Variants in VPS53 observed in about 807,000 individuals in gnomAD.
The protein encoded by VPS53 is VPS53 subunit of GARP complex.
VPS53 carries 70 observed loss-of-function variants against 107.0 expected under a neutral mutation model. The observed-to-expected ratio is 0.65, with a 90% CI of 0.54 to 0.80. The LOEUF is 0.80. Ranked by LOEUF, VPS53 falls within the 30% of genes least tolerant of loss-of-function variation. VPS53 has a pLI of 0.00. For missense variants in VPS53, 917 were observed against 1,049.4 expected (o/e 0.87, Z 1.74); for synonymous variants, 409 against 393.3 (o/e 1.04, Z -0.47).
chr17:638,409 A>G (rs187535611), intron 7 of VPS53, among the ~76,000 whole-genome samples: 1 of 152,344 alleles, frequency 6.6e-6, no homozygotes, highest in African/African-American at 2.4e-5. Context: ...CATTTAGCCC[A>G]TATACATTTA....
At position 692,621 on chromosome 17, in the gene VPS53, T is replaced by C. The variant is rs763014374; in HGVS notation, c.285+4797A>G. ...CCAAATAATTTTTGAGTCAAAAACATTGCTTTTCAAAAGCAACTTTTCTGC... is the reference window on the plus strand; with the variant it reads ...CCAAATAATTTTTGAGTCAAAAACACTGCTTTTCAAAAGCAACTTTTCTGC... On this transcript the variant is annotated intron_variant, in intron 4 of 21. Coordinates refer to ENST00000437048, the MANE Select transcript of VPS53 (RefSeq NM_001128159.3). Among the ~76,000 whole-genome samples, 7 of 152,346 alleles carry C rather than the reference T, an allele frequency of 4.6e-5. No individual in the cohort carries two copies. The South Asian group carries it at 6.2e-4, about 14-fold the overall frequency.
intron 11 of VPS53, among the ~76,000 whole-genome samples, chr17:606,658 G>A (rs1265430666): frequency 6.6e-6 from 1 of 152,158 alleles, no homozygotes; most frequent in African/African-American, 2.4e-5. Context: ...TGGCCTGTTA[G>A]CAACCAGGCT....
intron 7 of VPS53, among the ~76,000 whole-genome samples, chr17:644,133 T>C (rs1970584913): frequency 6.6e-6 from 1 of 152,230 alleles, no homozygotes; most frequent in African/African-American, 2.4e-5. Context: ...ATTTGAAATG[T>C]AAAGATGCTA....
intron 13 of VPS53, among the ~76,000 whole-genome samples, chr17:571,677 C>G (rs1354037515): frequency 6.6e-6 from 1 of 152,220 alleles, no homozygotes; most frequent in Non-Finnish European, 1.5e-5. Flanking sequence ...CGAGTGCCTG[C>G]GATTGCAGGC....
At chr17:669,190 A>G (rs559754661) in intron 4 of VPS53, among the ~76,000 whole-genome samples, 2 of 152,206 alleles carry the variant, frequency 1.3e-5, no homozygotes, top group Non-Finnish European at 2.9e-5. Context: ...GGGTCCTACA[A>G]GAAGTTAAGG....
At chr17:551,345 C>T (rs1318871060) in intron 17 of VPS53, among the ~76,000 whole-genome samples, 4 of 152,110 alleles carry the variant, frequency 2.6e-5, no homozygotes, top group Non-Finnish European at 5.9e-5. Flanking sequence ...GGTGGGAAGA[C>T]TGCTTGACGC....
At chr17:711,986 T>C (rs1007879885) in intron 1 of VPS53, among the ~76,000 whole-genome samples, 7 of 151,978 alleles carry the variant, frequency 4.6e-5, no homozygotes, top group Non-Finnish European at 1.0e-4. Context: ...CCGGCTTATT[T>C]TTTGTGTTTT....
intron 18 of VPS53, 154 bp downstream of exon 18, chr17:536,874 C>A (rs919133242): frequency 1.1e-6 from 1 of 900,144 alleles, no homozygotes; most frequent in East Asian, 2.7e-5. Context: ...GGGGAGGTGT[C>A]GGTAATGGGA....
At chr17:664,876 C>G (rs552455173) in intron 4 of VPS53, among the ~76,000 whole-genome samples, 1 of 152,074 alleles carries the variant, frequency 6.6e-6, no homozygotes, top group Non-Finnish European at 1.5e-5. Flanking sequence ...GGATGACGCC[C>G]GGGTTTTGGT....
intron 7 of VPS53, among the ~76,000 whole-genome samples, chr17:640,819 C>G (rs1046284860): frequency 6.6e-6 from 1 of 151,972 alleles, no homozygotes; most frequent in South Asian, 2.1e-4. Context: ...CAGAAGGATA[C>G]GCATATAAAT....
At chr17:683,404 G>C (rs1039965454) in intron 4 of VPS53, among the ~76,000 whole-genome samples, 2 of 152,052 alleles carry the variant, frequency 1.3e-5, no homozygotes, top group Non-Finnish European at 2.9e-5. Context: ...TGCCAACCTA[G>C]AGTCCTAAAC....
chr17:564,474 A>G (rs1331071810), intron 13 of VPS53, among the ~76,000 whole-genome samples: 1 of 148,484 alleles, frequency 6.7e-6, no homozygotes, highest in Non-Finnish European at 1.5e-5. Flanking sequence ...CGGGAGGCGG[A>G]GCTTGCAGTG....
chr17:704,774 A>T (rs1973337679), intron 2 of VPS53, among the ~76,000 whole-genome samples: 1 of 152,210 alleles, frequency 6.6e-6, no homozygotes, highest in Non-Finnish European at 1.5e-5. Context: ...TTAAAAAAAA[A>T]TACAGCACAT....
intron 7 of VPS53, 141 bp downstream of exon 7, chr17:653,150 C>T: frequency 6.4e-7 from 1 of 1,553,276 alleles, no homozygotes. Flanking sequence ...CATATACTTT[C>T]CCTCCGGTGA....
rs1347595184 is a variant in VPS53, at chr17:695,432, AC to A, written c.285+1985del. Among the ~76,000 whole-genome samples, 3 of 152,236 alleles carry A rather than the reference AC, an allele frequency of 2.0e-5. No individual in the cohort carries two copies. In the East Asian group the frequency reaches 5.8e-4, roughly 29 times the overall value. ...TTCAAGCACAAAAGAGTCTGTAAGCACAGGTCCAGAAAGCACAGGCATGCTC... is the reference window on the plus strand; with the variant it reads ...TTCAAGCACAAAAGAGTCTGTAAGCAAGGTCCAGAAAGCACAGGCATGCTC... On this transcript the variant is annotated intron_variant, in intron 4 of 21. Coordinates refer to ENST00000437048, the MANE Select transcript of VPS53 (RefSeq NM_001128159.3).
Position 519,764 on chromosome 17 carries a change from G to T in VPS53, c.2328+62C>A. The T allele has an allele frequency of 4.8e-6, 6 of 1,259,732 alleles. No homozygotes were observed. The highest frequency in any genetic ancestry group is 6.8e-6 in the Non-Finnish European group (6 of 884,646). 78.0% of individuals were successfully genotyped at this position (1,259,732 alleles called of 1,614,324 possible). A position where few individuals can be genotyped will look rare whatever the true frequency, so the allele number is the denominator to read the frequency against. ...CCCCGGAACTTATATCCCAATTCCC[G>T]GTTAAGAACCGCTGAGTGTGAGGGG... On this transcript the variant is annotated intron_variant, in intron 21 of 21. Transcript: ENST00000437048. The surrounding 1 kb of genome is among the most constrained non-coding windows in gnomAD (Gnocchi z 5.0).
At chr17:575,774 C>T (rs1914547202) in intron 13 of VPS53, among the ~76,000 whole-genome samples, 1 of 148,018 alleles carries the variant, frequency 6.8e-6, no homozygotes, top group Non-Finnish European at 1.5e-5. Flanking sequence ...TCCCAGAGAC[C>T]TTCCCTCAGA....
intron 7 of VPS53, among the ~76,000 whole-genome samples, chr17:646,930 C>T (rs1228562676): frequency 6.6e-6 from 1 of 152,250 alleles, no homozygotes; most frequent in Non-Finnish European, 1.5e-5. Context: ...CTTATTTTAT[C>T]CAGACTCCTG....
chr17:560,138 G>A (rs1162596573), intron 15 of VPS53, among the ~76,000 whole-genome samples: 2 of 152,236 alleles, frequency 1.3e-5, no homozygotes, highest in African/African-American at 4.8e-5. Flanking sequence ...GGGTTGGAGT[G>A]CTACTGACCT....
Sources: gnomAD v4.1 joint callset for allele counts (sites outside exome capture counted in the v4.1 genomes callset) on GRCh38, gnomAD v4.1.1 for gene constraint, Gnocchi (gnomAD v3.1) non-coding constraint, MANE v1.5 for transcripts, NCBI Gene and HGNC (gene_info 2026-07-23, HGNC 2026-07-21) for gene names.